Variants in TEX9 observed in about 807,000 individuals in gnomAD.
TEX9 encodes testis expressed 9.
A neutral mutation model predicts 59.6 loss-of-function variants in TEX9; 74 were observed. The observed-to-expected ratio is 1.24, with a 90% CI of 1.03 to 1.51. The LOEUF (loss-of-function observed/expected upper bound fraction) is 1.51. TEX9 is among the 40% of genes most tolerant of loss of function. The pLI is 0.00. For missense variants in TEX9, 522 were observed against 447.8 expected (o/e 1.17, Z -1.49); for synonymous variants, 186 against 152.2 (o/e 1.22, Z -1.64).
chr15:56,377,521 G>T (rs1596142221), intron 3 of TEX9, among the ~76,000 whole-genome samples: 1 of 152,008 alleles, frequency 6.6e-6, no homozygotes, highest in East Asian at 1.9e-4. Context: ...CTGTAAATGG[G>T]ATTACTTTTT....
At chr15:56,394,556 A>T in intron 8 of TEX9, 105 bp from the exon 9 acceptor site, 1 of 852,258 alleles carries the variant, frequency 1.2e-6, no homozygotes, top group South Asian at 1.8e-5. Flanking sequence ...TTTTCATGAA[A>T]CGTGTATAAA....
chr15:56,256,032 C>A (rs2044138113), intron 1 of TEX9, among the ~76,000 whole-genome samples: 1 of 151,672 alleles, frequency 6.6e-6, no homozygotes, highest in African/African-American at 2.4e-5. Flanking sequence ...AATTAATAAG[C>A]AAATTGTTTA....
chr15:56,379,362 A>G (rs1286643912), intron 3 of TEX9, among the ~76,000 whole-genome samples: 2 of 152,124 alleles, frequency 1.3e-5, no homozygotes, highest in African/African-American at 4.8e-5. Context: ...ATAGTTTCCA[A>G]AGTTCTGGTT....
At chr15:56,297,020 T>G (rs759443153) in intron 1 of TEX9, among the ~76,000 whole-genome samples, 81 of 150,034 alleles carry the variant, frequency 5.4e-4, no homozygotes, top group Non-Finnish European at 1.0e-3. Flanking sequence ...GTGATTAAGC[T>G]AAAACAGCAA....
At chr15:56,449,357 A>AT (rs1178872862), downstream of TEX9, among the ~76,000 whole-genome samples, 3 of 150,742 alleles carry the variant, frequency 2.0e-5, no homozygotes, top group Non-Finnish European at 1.5e-5. Context: ...ATTCATATCA[A>AT]TGGGCTTTTT....
chr15:56,293,020 T>C (rs2045132817), intron 1 of TEX9, among the ~76,000 whole-genome samples: 1 of 152,176 alleles, frequency 6.6e-6, no homozygotes, highest in Non-Finnish European at 1.5e-5. Context: ...AAGTTCTACT[T>C]CTAAGCGATC....
intron 1 of TEX9, among the ~76,000 whole-genome samples, chr15:56,357,757 A>T (rs1341087203): frequency 1.3e-5 from 2 of 152,240 alleles, no homozygotes; most frequent in Middle Eastern, 3.4e-3. Context: ...ATTATTTATC[A>T]TATTTGCCTG....
chr15:56,431,549 G>A (rs769925887), intron 12 of TEX9: 48 of 1,594,026 alleles, frequency 3.0e-5, no homozygotes, highest in Admixed American at 2.2e-4. Flanking sequence ...AATCTTATAC[G>A]AAGTTTTCAA....
At chr15:56,255,285 A>G (rs980038817) in intron 1 of TEX9, among the ~76,000 whole-genome samples, 7 of 152,148 alleles carry the variant, frequency 4.6e-5, no homozygotes, top group African/African-American at 1.7e-4. Context: ...GATGATTGCA[A>G]CATAAAGATG....
chr15:56,307,959 AT>A (rs2045521265), intron 1 of TEX9, among the ~76,000 whole-genome samples: 2 of 152,140 alleles, frequency 1.3e-5, no homozygotes, highest in African/African-American at 4.8e-5. Context: ...GTTATATCAT[AT>A]TTTGTTTATC....
At chr15:56,402,307 C>T (rs1186746932) in intron 9 of TEX9, among the ~76,000 whole-genome samples, 4 of 152,196 alleles carry the variant, frequency 2.6e-5, no homozygotes, top group Middle Eastern at 3.4e-3. Flanking sequence ...AAGGGGATAT[C>T]GCCACGGATC....
chr15:56,302,387 G>C (rs2045381804), intron 1 of TEX9, among the ~76,000 whole-genome samples: 1 of 149,666 alleles, frequency 6.7e-6, no homozygotes, highest in Admixed American at 6.7e-5. Flanking sequence ...TATGTGTGCT[G>C]GCATGCACCT....
chr15:56,436,292 A>G (rs933877688), intron 12 of TEX9, among the ~76,000 whole-genome samples: 6 of 152,242 alleles, frequency 3.9e-5, no homozygotes, highest in Non-Finnish European at 7.3e-5. Context: ...AGAACTCAGG[A>G]TTAAGAAACT....
chr15:56,279,075 C>T (rs574781811), intron 1 of TEX9, among the ~76,000 whole-genome samples: 2 of 152,068 alleles, frequency 1.3e-5, no homozygotes, highest in African/African-American at 4.8e-5. Context: ...TAAATTTACT[C>T]ACAACATACA....
chr15:56,272,573 C>T (rs2044561424), intron 1 of TEX9, among the ~76,000 whole-genome samples: 1 of 152,182 alleles, frequency 6.6e-6, no homozygotes, highest in African/African-American at 2.4e-5. Flanking sequence ...TATGAACATT[C>T]ATGTACAGCT....
chr15:56,267,447 T>C (rs1365219190), intron 1 of TEX9, among the ~76,000 whole-genome samples: 1 of 152,240 alleles, frequency 6.6e-6, no homozygotes, highest in East Asian at 1.9e-4. Flanking sequence ...CTTCTAGGGA[T>C]TGTATAGTTT....
At chr15:56,421,790 A>G (rs1269803512) in intron 10 of TEX9, 1 of 151,692 alleles carries the variant, frequency 6.6e-6, no homozygotes, top group African/African-American at 2.4e-5. Flanking sequence ...TACAAAGGAC[A>G]TGAACTCATC....
At chr15:56,284,021 A>G (rs893229246) in intron 1 of TEX9, among the ~76,000 whole-genome samples, 1 of 152,222 alleles carries the variant, frequency 6.6e-6, no homozygotes, top group African/African-American at 2.4e-5. Flanking sequence ...CGATAGTGCA[A>G]TGTCTAATAT....
downstream of TEX9, chr15:56,446,748 A>T: frequency 1.1e-6 from 1 of 898,662 alleles, no homozygotes; most frequent in South Asian, 1.7e-5. Flanking sequence ...AGCAGTGTAA[A>T]TTCTTTATAC....
Sources: gnomAD v4.1 joint callset for allele counts (sites outside exome capture counted in the v4.1 genomes callset) on GRCh38, gnomAD v4.1.1 for gene constraint, MANE v1.5 for transcripts, NCBI Gene and HGNC (gene_info 2026-07-23, HGNC 2026-07-21) for gene names.